The following SPOCK3 variants were observed in gnomAD, a reference collection of about 807,000 sequenced individuals.
SPOCK3 encodes the protein testican-3.
In SPOCK3, 30 loss-of-function variants were observed where a neutral mutation model predicts 56.6. The ratio of observed to expected loss-of-function variants is 0.53; its 90% confidence interval spans 0.40 to 0.72. The LOEUF (loss-of-function observed/expected upper bound fraction) is 0.72, where lower values mean the gene tolerates loss of function less well. Ranked by LOEUF, SPOCK3 falls within the 30% of genes least tolerant of loss-of-function variation. The pLI is 0.00. For synonymous variants in SPOCK3, 196 were observed against 183.3 expected, an observed-to-expected ratio of 1.07 and a Z score of -0.56; for missense variants, 527 against 530.0, an observed-to-expected ratio of 0.99 and a Z score of 0.06.
chr4:167,222,676 T>C (rs1736084196), intron 2 of SPOCK3, among the ~76,000 whole-genome samples: 1 of 135,116 alleles, frequency 7.4e-6, no homozygotes, highest in African/African-American at 2.7e-5. Context: ...CATAGATATA[T>C]ATTTATATAT....
At chr4:166,848,320 G>GA (rs1213753112) in intron 6 of SPOCK3, among the ~76,000 whole-genome samples, 1 of 152,100 alleles carries the variant, frequency 6.6e-6, no homozygotes, top group Admixed American at 6.5e-5. Flanking sequence ...AGGAAAAGGG[G>GA]AAAAAATACT....
intron 3 of SPOCK3, among the ~76,000 whole-genome samples, chr4:167,034,287 T>C (rs1224694480): frequency 4.0e-5 from 6 of 151,748 alleles, no homozygotes; most frequent in African/African-American, 1.2e-4. Flanking sequence ...ACTTAGAAAT[T>C]AGAGATAAAA....
intron 3 of SPOCK3, among the ~76,000 whole-genome samples, chr4:167,058,333 A>C (rs1285434675): frequency 6.6e-6 from 1 of 152,216 alleles, no homozygotes; most frequent in African/African-American, 2.4e-5. Context: ...TACAAAAATC[A>C]CAAGCATTCT....
At chr4:167,158,353 A>AATAT (rs1258722472) in intron 2 of SPOCK3, among the ~76,000 whole-genome samples, 2 of 152,004 alleles carry the variant, frequency 1.3e-5, no homozygotes, top group Admixed American at 1.3e-4. Flanking sequence ...ATAATTGAAA[A>AATAT]ATATATTAAA....
intron 4 of SPOCK3, among the ~76,000 whole-genome samples, chr4:166,932,848 A>T (rs1048209413): frequency 1.3e-5 from 2 of 152,098 alleles, no homozygotes; most frequent in African/African-American, 4.8e-5. Flanking sequence ...GGCAAACTAA[A>T]TTGATTTTAA....
At position 166,874,129 on chromosome 4, in the gene SPOCK3, G is replaced by A. The variant is rs760527825; in HGVS notation, c.589+15001C>T. Among the ~76,000 whole-genome samples the A allele has an allele frequency of 3.3e-5, 5 of 152,010 alleles. No individual in the cohort carries two copies. In the South Asian group the frequency reaches 8.3e-4, roughly 25 times the overall value. On this transcript the variant is annotated intron_variant, in intron 6 of 10. Coordinates refer to ENST00000357545, the MANE Select transcript of SPOCK3 (RefSeq NM_001040159.2). Reference sequence around the variant, plus strand: ...ATGGTAAAGATAATGTCTTTCTCTGGGGTAGAGGTTGTACAAGTTTGCTAC... The same window carrying A: ...ATGGTAAAGATAATGTCTTTCTCTGAGGTAGAGGTTGTACAAGTTTGCTAC...
intron 4 of SPOCK3, among the ~76,000 whole-genome samples, chr4:166,918,646 T>A (rs1415529237): frequency 3.9e-5 from 6 of 152,312 alleles, no homozygotes; most frequent in South Asian, 4.1e-4. Flanking sequence ...AAAAAAACAA[T>A]TTTTAAACAT....
intron 3 of SPOCK3, among the ~76,000 whole-genome samples, chr4:167,031,650 G>A (rs10471192): frequency 0.25 from 37,987 of 151,806 alleles, 6,843 homozygotes; most frequent in African/African-American, 0.51. Context: ...AGACAAGACC[G>A]GGCATGAAGT....
At chr4:167,176,734 G>A (rs1022640574) in intron 2 of SPOCK3, among the ~76,000 whole-genome samples, 1 of 152,068 alleles carries the variant, frequency 6.6e-6, no homozygotes, top group Non-Finnish European at 1.5e-5. Context: ...ACTGGACAGG[G>A]TAGAAATAAG....
intron 4 of SPOCK3, 45 bp downstream of exon 4, chr4:167,000,304 A>G: frequency 1.1e-6 from 1 of 929,300 alleles, no homozygotes; most frequent in Non-Finnish European, 1.7e-6. Flanking sequence ...TATTCCTGGT[A>G]AGGAGCGCTG....
rs1049216797 is a variant in SPOCK3, at chr4:166,827,038, T to C, written c.590-34749A>G. ...TCATTTTGCTTTGTTTGTTTATTAG[T>C]AATCTAAAGTTTAAAGGAAGTACAG... is the stretch of plus-strand genomic sequence containing the variant. On this transcript the variant is annotated intron_variant, in intron 6 of 10. Transcript: ENST00000357545. 3.3e-5 allele frequency among the ~76,000 whole-genome samples: 5 copies of C among 152,126 alleles called. No homozygotes were observed. The South Asian group carries it at 1.0e-3, about 31-fold the overall frequency.
At chr4:166,928,429 A>C (rs1739361228) in intron 4 of SPOCK3, among the ~76,000 whole-genome samples, 1 of 152,222 alleles carries the variant, frequency 6.6e-6, no homozygotes, top group African/African-American at 2.4e-5. Flanking sequence ...GAAGAAGCCA[A>C]CCAGGAAAGG....
intron 6 of SPOCK3, among the ~76,000 whole-genome samples, chr4:166,882,489 T>C (rs1733782492): frequency 6.6e-6 from 1 of 152,160 alleles, no homozygotes; most frequent in African/African-American, 2.4e-5. Context: ...TTTAGGTGAG[T>C]GCTTATACTG....
chr4:167,107,297 A>G (rs898127343), intron 2 of SPOCK3, among the ~76,000 whole-genome samples: 2 of 151,960 alleles, frequency 1.3e-5, no homozygotes, highest in Non-Finnish European at 2.9e-5. Flanking sequence ...TGAAAAGATC[A>G]TTAGTCATGA....
intron 2 of SPOCK3, among the ~76,000 whole-genome samples, chr4:167,161,497 C>G (rs900861282): frequency 1.3e-5 from 2 of 152,124 alleles, no homozygotes; most frequent in Non-Finnish European, 2.9e-5. Context: ...CCTCAGGGAT[C>G]TAGAACTAGA....
intron 3 of SPOCK3, among the ~76,000 whole-genome samples, chr4:167,056,262 A>G (rs529128074): frequency 6.6e-6 from 1 of 152,246 alleles, no homozygotes; most frequent in African/African-American, 2.4e-5. Flanking sequence ...TAGAAGGAAA[A>G]CTAACAAACA....
Position 167,125,812 on chromosome 4 carries a change from G to GT in SPOCK3, c.190-63276dup, listed in dbSNP as rs1762227503. Among the ~76,000 whole-genome samples the GT allele has an allele frequency of 2.6e-5, 4 of 152,208 alleles. No homozygotes were observed. The South Asian group carries it at 8.3e-4, about 31-fold the overall frequency. ...AGAAATAGTAGTTCAGTTTGACAGTGTTGGTGACTGATGCTGTTTCTGATT... is the reference window on the plus strand; with the variant it reads ...AGAAATAGTAGTTCAGTTTGACAGTGTTTGGTGACTGATGCTGTTTCTGATT... On this transcript the variant is annotated intron_variant, in intron 2 of 10. Coordinates refer to ENST00000357545, the MANE Select transcript of SPOCK3 (RefSeq NM_001040159.2).
chr4:166,746,997 C>G (rs146742159), intron 8 of SPOCK3, among the ~76,000 whole-genome samples: 36,714 of 151,988 alleles, frequency 0.24, 5,373 homozygotes, highest in African/African-American at 0.4. Context: ...AATTAAGAGC[C>G]TACCAACCAA....
intron 2 of SPOCK3, among the ~76,000 whole-genome samples, chr4:167,157,933 T>G (rs925879775): frequency 6.6e-6 from 1 of 152,068 alleles, no homozygotes; most frequent in African/African-American, 2.4e-5. Flanking sequence ...CAAGTCATTG[T>G]GGATTTTTGT....
Sources: allele counts gnomAD v4.1 joint callset (sites outside exome capture counted in the v4.1 genomes callset), GRCh38; gene constraint gnomAD v4.1.1; transcripts MANE v1.5; gene names NCBI Gene and HGNC (gene_info 2026-07-23, HGNC 2026-07-21).